Variants in HECW2 observed in about 807,000 individuals in gnomAD.
The protein encoded by HECW2 is E3 ubiquitin-protein ligase HECW2.
Under a neutral mutation model 175.2 loss-of-function variants are expected in HECW2, and 61 were observed. That is an observed-to-expected ratio of 0.35 (90% CI 0.28 to 0.43). The LOEUF is 0.43. Ranked by LOEUF, HECW2 falls within the 20% of genes least tolerant of loss-of-function variation. The pLI, the probability that HECW2 is intolerant of heterozygous loss-of-function variation, is 1.00. For missense variants in HECW2, 1,524 were observed against 2,000.5 expected (o/e 0.76, Z 4.54); for synonymous variants, 671 against 731.0 (o/e 0.92, Z 1.32).
intron 1 of HECW2, among the ~76,000 whole-genome samples, chr2:196,484,904 C>T (rs780740583): frequency 2.6e-5 from 4 of 152,120 alleles, no homozygotes; most frequent in African/African-American, 4.8e-5. Flanking sequence ...GGTAAGCAAC[C>T]CTCCGGCTGT....
intron 1 of HECW2, among the ~76,000 whole-genome samples, chr2:196,537,833 A>G (rs1689071707): frequency 6.6e-6 from 1 of 152,224 alleles, no homozygotes; most frequent in Admixed American, 6.5e-5. Context: ...AAAATATAGC[A>G]ATTGAGAAAA....
At chr2:196,294,144 TAC>T (rs1559017473) in intron 13 of HECW2, among the ~76,000 whole-genome samples, 1 of 152,154 alleles carries the variant, frequency 6.6e-6, no homozygotes, top group African/African-American at 2.4e-5. Flanking sequence ...TCCAAAACCT[TAC>T]AGTCTTCATT....
chr2:196,542,324 G>A (rs531593033), intron 1 of HECW2, among the ~76,000 whole-genome samples: 5 of 149,358 alleles, frequency 3.3e-5, no homozygotes, highest in African/African-American at 1.2e-4. Context: ...AAACAAGAGA[G>A]AAGAACAAAA....
chr2:196,242,241 G>T, intron 19 of HECW2, 37 bp from the exon 20 acceptor site: 1 of 1,613,212 alleles, frequency 6.2e-7, no homozygotes, highest in Non-Finnish European at 8.5e-7. Context: ...ATCTGGATTT[G>T]TGCCTCGTCC....
chr2:196,480,268 C>G (rs1686795919), intron 1 of HECW2, among the ~76,000 whole-genome samples: 1 of 152,186 alleles, frequency 6.6e-6, no homozygotes, highest in South Asian at 2.1e-4. Context: ...CTTTTATCTG[C>G]CCTTCCACAC....
chr2:196,389,468 C>T (rs901333324), intron 2 of HECW2, among the ~76,000 whole-genome samples: 3 of 152,078 alleles, frequency 2.0e-5, no homozygotes, highest in Non-Finnish European at 2.9e-5. Context: ...GTAAATAATA[C>T]GAAAGCTCTG....
chr2:196,575,817 T>A (rs1419375137), intron 1 of HECW2, among the ~76,000 whole-genome samples: 1 of 152,126 alleles, frequency 6.6e-6, no homozygotes, highest in African/African-American at 2.4e-5. Context: ...GCGTGTCACA[T>A]GGCAAGAGGA....
At chr2:196,487,807 C>T (rs139238437) in intron 1 of HECW2, among the ~76,000 whole-genome samples, 1 of 152,288 alleles carries the variant, frequency 6.6e-6, no homozygotes, top group Non-Finnish European at 1.5e-5. Context: ...GCTATTAGAT[C>T]AGCATATTTA....
intron 1 of HECW2, among the ~76,000 whole-genome samples, chr2:196,514,236 G>A (rs1305915938): frequency 2.0e-5 from 3 of 152,226 alleles, no homozygotes; most frequent in Admixed American, 2.0e-4. Flanking sequence ...TCTGAGCACT[G>A]TCACAACCCA....
At chr2:196,258,149 G>C (rs1689138974) in intron 17 of HECW2, 6 of 486,838 alleles carry the variant, frequency 1.2e-5, no homozygotes, top group Non-Finnish European at 2.2e-5. Flanking sequence ...TCTTTCACTG[G>C]CTTCATCATT....
chr2:196,318,915 G>T lies in HECW2; in HGVS notation c.1975C>A (p.Arg659=). ...VTTQLSSVDT[R]CSSLESARFP... ...CGTGCGCTCTCAAGAGAGGAGCACC[G>T]TGTGTCCACAGAGGACAGCTGCGTG... The change falls in exon 9 of 29, where the codon CGG becomes AGG. Residue 659 remains arginine (R), a synonymous_variant. Transcript: ENST00000644978. 1 of 1,588,094 alleles carries T rather than the reference G, an allele frequency of 6.3e-7. No individual in the cohort carries two copies. The highest frequency in any genetic ancestry group is 1.2e-5 in the South Asian group (1 of 85,794).
intron 7 of HECW2, 37 bp from the exon 8 acceptor site, chr2:196,320,476 G>A (rs1269167686): frequency 1.2e-5 from 16 of 1,343,658 alleles, no homozygotes; most frequent in South Asian, 3.6e-5. Context: ...TCCTGACTAC[G>A]CTGGAGTCAG....
At chr2:196,231,015 ATC>A (rs1688034234) in intron 21 of HECW2, among the ~76,000 whole-genome samples, 1 of 141,686 alleles carries the variant, frequency 7.1e-6, no homozygotes, top group African/African-American at 2.6e-5. Context: ...AGGCAGGAGA[ATC>A]ACTTGAACCA....
At chr2:196,514,729 T>G (rs984033477) in intron 1 of HECW2, among the ~76,000 whole-genome samples, 1 of 152,160 alleles carries the variant, frequency 6.6e-6, no homozygotes, top group Non-Finnish European at 1.5e-5. Flanking sequence ...CAAGGAGAGC[T>G]GGACCCTCAT....
At chr2:196,240,681 T>C (rs1575276967) in intron 20 of HECW2, 119 bp from the exon 21 acceptor site, 1 of 977,184 alleles carries the variant, frequency 1.0e-6, no homozygotes, top group East Asian at 2.9e-5. Context: ...AGAATGTTAC[T>C]TAATATCATT....
At chr2:196,435,453 T>G (rs968966579) in intron 1 of HECW2, among the ~76,000 whole-genome samples, 2 of 152,194 alleles carry the variant, frequency 1.3e-5, no homozygotes, top group African/African-American at 2.4e-5. Flanking sequence ...CCTAACACAT[T>G]GTAGTTGAAT....
chr2:196,418,283 C>T (rs1410309495), intron 2 of HECW2, among the ~76,000 whole-genome samples: 1 of 152,122 alleles, frequency 6.6e-6, no homozygotes, highest in East Asian at 1.9e-4. Context: ...CGCCTGCCAC[C>T]ACACCCAGCT....
intron 2 of HECW2, among the ~76,000 whole-genome samples, chr2:196,430,509 T>A (rs1182584284): frequency 6.6e-6 from 1 of 152,182 alleles, no homozygotes; most frequent in Non-Finnish European, 1.5e-5. Context: ...AAAGTAGCTA[T>A]ATTCAATTCA....
intron 1 of HECW2, among the ~76,000 whole-genome samples, chr2:196,466,621 G>T (rs1696965023): frequency 6.6e-6 from 1 of 152,208 alleles, no homozygotes; most frequent in African/African-American, 2.4e-5. Flanking sequence ...AATTCAGATT[G>T]TTTGAAATTC....
Sources: allele counts gnomAD v4.1 joint callset (sites outside exome capture counted in the v4.1 genomes callset), GRCh38; gene constraint gnomAD v4.1.1; transcripts MANE v1.5; gene names NCBI Gene and HGNC (gene_info 2026-07-23, HGNC 2026-07-21).